The following RYR3 variants were observed in gnomAD, a reference collection of about 807,000 sequenced individuals.
The protein encoded by RYR3 is brain ryanodine receptor-calcium release channel.
Under a neutral mutation model 584.3 loss-of-function variants are expected in RYR3, and 207 were observed. The observed-to-expected ratio is 0.35, with a 90% CI of 0.32 to 0.40. The LOEUF is 0.40. Among genes scored for constraint, RYR3 ranks in the 10% least tolerant of loss-of-function variants. RYR3 has a pLI of 1.00. For synonymous variants in RYR3, 2,416 were observed against 2,248.5 expected (o/e 1.07, Z -2.11); for missense variants, 5,616 against 6,089.2 (o/e 0.92, Z 2.59).
rs375731166 is a variant in RYR3, at chr15:33,696,831, G to A, written c.6134+340G>A. 6.0e-4 allele frequency among the ~76,000 whole-genome samples: 91 copies of A among 152,258 alleles called. 1 individual carries two copies. The highest frequency in any genetic ancestry group is 6.8e-3 in the Middle Eastern group (2 of 294). On this transcript the variant is annotated intron_variant, in intron 39 of 103. Coordinates refer to ENST00000634891, the MANE Select transcript of RYR3 (RefSeq NM_001036.6). The stretch of plus-strand genomic sequence containing the variant: ...ATCTGAGCACCTGAGCTTTTGACTC[G>A]AAATCTTCCGAAACTTCCCTCTGAA...
At chr15:33,843,147 G>A (rs529047934) in intron 91 of RYR3, among the ~76,000 whole-genome samples, 44 of 151,932 alleles carry the variant, frequency 2.9e-4, no homozygotes, top group Middle Eastern at 3.4e-3. Context: ...GTGAAACCCC[G>A]TCTCTAGTAA....
intron 69 of RYR3, among the ~76,000 whole-genome samples, chr15:33,805,175 T>A (rs779589641): frequency 6.6e-6 from 1 of 152,200 alleles, no homozygotes; most frequent in Non-Finnish European, 1.5e-5. Context: ...TGACAGCAGC[T>A]TCCTCAGAAG....
chr15:33,369,743 CAG>C lies in RYR3; in HGVS notation c.51+58650_51+58651del, dbSNP rs556103290. Reference sequence around the variant, plus strand: ...AATATGAGACACCCAGCACCTATAACAGAGCATGGGCTGAAATATTTTCTGAG... The same window carrying C: ...AATATGAGACACCCAGCACCTATAACAGCATGGGCTGAAATATTTTCTGAG... On this transcript the variant is annotated intron_variant, in intron 1 of 103. Transcript: ENST00000634891. 3.2e-4 allele frequency among the ~76,000 whole-genome samples: 49 copies of C among 152,340 alleles called. 2 individuals carry two copies. In the South Asian group the frequency reaches 9.7e-3, roughly 30 times the overall value.
intron 1 of RYR3, among the ~76,000 whole-genome samples, chr15:33,463,460 G>A (rs1051283053): frequency 6.6e-6 from 1 of 152,072 alleles, no homozygotes; most frequent in Admixed American, 6.6e-5. Flanking sequence ...AAATCCTTCT[G>A]TGGGGCCTGA....
At chr15:33,716,708 G>T (rs1249065539) in intron 43 of RYR3, among the ~76,000 whole-genome samples, 1 of 152,140 alleles carries the variant, frequency 6.6e-6, no homozygotes, top group Non-Finnish European at 1.5e-5. Flanking sequence ...TGCCTCCAAG[G>T]CCCCTGTGGG....
chr15:33,634,823 A>G (rs940160025), intron 25 of RYR3, 90 bp downstream of exon 25: 17 of 1,097,012 alleles, frequency 1.5e-5, no homozygotes, highest in Middle Eastern at 4.1e-4. Flanking sequence ...TCTAACTTGT[A>G]CTATTGGAAA....
intron 52 of RYR3, among the ~76,000 whole-genome samples, chr15:33,744,828 C>A (rs1306631109): frequency 1.3e-5 from 2 of 152,122 alleles, no homozygotes; most frequent in African/African-American, 4.8e-5. Flanking sequence ...ACATGATCAC[C>A]TTTTTAGGTT....
chr15:33,434,478 T>A (rs1259539022), intron 1 of RYR3, among the ~76,000 whole-genome samples: 2 of 152,244 alleles, frequency 1.3e-5, no homozygotes, highest in African/African-American at 4.8e-5. Flanking sequence ...CTAAAACTTA[T>A]CTTCTCTCTG....
chr15:33,623,750 T>C, intron 19 of RYR3, 57 bp from the exon 20 acceptor site: 2 of 1,273,392 alleles, frequency 1.6e-6, no homozygotes, highest in Non-Finnish European at 2.3e-6. Context: ...TTTTCACTTA[T>C]TTGGGCTGCA....
chr15:33,438,100 T>C (rs1369098848), intron 1 of RYR3, among the ~76,000 whole-genome samples: 1 of 152,208 alleles, frequency 6.6e-6, no homozygotes, highest in Non-Finnish European at 1.5e-5. Context: ...ACAGAAACGA[T>C]GTGATGTTTT....
intron 1 of RYR3, among the ~76,000 whole-genome samples, chr15:33,348,604 T>C (rs546498206): frequency 1.3e-5 from 2 of 152,140 alleles, no homozygotes; most frequent in Non-Finnish European, 2.9e-5. Context: ...GCTTCCTGAG[T>C]AGCTGGGACT....
chr15:33,738,874 G>A (rs186847614), intron 50 of RYR3, among the ~76,000 whole-genome samples: 221 of 152,320 alleles, frequency 1.5e-3, no homozygotes, highest in African/African-American at 4.1e-3. Flanking sequence ...ATCATCTGAT[G>A]TCAGTCTTTG....
chr15:33,699,611 C>T, intron 40 of RYR3, 93 bp from the exon 41 acceptor site: 1 of 1,167,530 alleles, frequency 8.6e-7, no homozygotes, highest in South Asian at 1.7e-5. Flanking sequence ...TCCAAGTGTT[C>T]ACACTTTACC....
intron 2 of RYR3, among the ~76,000 whole-genome samples, chr15:33,475,618 G>A (rs1199640808): frequency 6.6e-5 from 10 of 152,204 alleles, no homozygotes; most frequent in Admixed American, 5.9e-4. Context: ...GGCCCCAGGG[G>A]TTGGGGACCC....
chr15:33,623,362 A>G (rs538749370), intron 19 of RYR3, among the ~76,000 whole-genome samples: 1 of 152,336 alleles, frequency 6.6e-6, no homozygotes, highest in Non-Finnish European at 1.5e-5. Flanking sequence ...CTTTCTCCAT[A>G]TAGTTACGTC....
chr15:33,743,359 G>A (rs2070363369), intron 52 of RYR3, among the ~76,000 whole-genome samples: 1 of 152,198 alleles, frequency 6.6e-6, no homozygotes, highest in African/African-American at 2.4e-5. Flanking sequence ...GGGCTGAATG[G>A]TCAACATTTG....
intron 42 of RYR3, among the ~76,000 whole-genome samples, chr15:33,706,279 T>C (rs570541126): frequency 1.3e-5 from 2 of 152,234 alleles, no homozygotes; most frequent in African/African-American, 2.4e-5. Context: ...GTATGTGTAG[T>C]ATTCAATACT....
chr15:33,372,581 G>T (rs189142575), intron 1 of RYR3, among the ~76,000 whole-genome samples: 2,312 of 152,138 alleles, frequency 0.015, 42 homozygotes, highest in Admixed American at 0.042. Context: ...TAGCCAGGAT[G>T]GTCTCAGTCT....
intron 8 of RYR3, among the ~76,000 whole-genome samples, chr15:33,544,387 G>A (rs1006337445): frequency 6.6e-6 from 1 of 151,956 alleles, no homozygotes; most frequent in Admixed American, 6.6e-5. Context: ...ATTGAATTTG[G>A]GACAGCAGTG....
Sources: gnomAD v4.1 joint callset for allele counts (sites outside exome capture counted in the v4.1 genomes callset) on GRCh38, gnomAD v4.1.1 for gene constraint, MANE v1.5 for transcripts, NCBI Gene and HGNC (gene_info 2026-07-23, HGNC 2026-07-21) for gene names.